The following HECTD4 variants were observed in gnomAD, a reference collection of about 807,000 sequenced individuals.
HECTD4 encodes probable E3 ubiquitin-protein ligase HECTD4.
Under a neutral mutation model 471.5 loss-of-function variants are expected in HECTD4, and 114 were observed. That is an observed-to-expected ratio of 0.24 (90% CI 0.21 to 0.28). The LOEUF (loss-of-function observed/expected upper bound fraction) is 0.28, where lower values mean the gene tolerates loss of function less well. Ranked by LOEUF, HECTD4 falls within the 10% of genes least tolerant of loss-of-function variation. The pLI is 1.00. For missense variants in HECTD4, 3,866 were observed against 5,651.5 expected, an observed-to-expected ratio of 0.68 and a Z score of 10.13; for synonymous variants, 2,012 against 2,256.0, an observed-to-expected ratio of 0.89 and a Z score of 3.07.
At chr12:112,293,210 A>G (rs1453066566) in intron 7 of HECTD4, among the ~76,000 whole-genome samples, 1 of 151,600 alleles carries the variant, frequency 6.6e-6, no homozygotes, top group Non-Finnish European at 1.5e-5. Flanking sequence ...TACTAAAAAT[A>G]CAAAAATTAG....
rs1192240145 is a variant in HECTD4 at position 112,308,864 on chromosome 12, C to A, written c.1053G>T (p.Glu351Asp). Residue 351 changes from glutamate to aspartate, a missense_variant, in exon 6 of 76, where the codon GAG (glutamate) becomes GAT (aspartate). Glu to Asp is a conservative substitution (Grantham distance 45). This residue lies in a region of HECTD4 where 440 missense variants were observed against 636.0 expected (regional missense o/e 0.69). Coordinates refer to ENST00000682272, the MANE Select transcript of HECTD4 (RefSeq NM_001388303.1). Reference protein sequence around the residue: ...LRGFVYCRNEELEPGWVAFGS... With the variant: ...LRGFVYCRNEDLEPGWVAFGS... ...CAAAAGCCACCCATCCTGGTTCCAACTCCTCGTTCCGGCAGTACACAAAAC... is the reference window on the plus strand; with the variant it reads ...CAAAAGCCACCCATCCTGGTTCCAAATCCTCGTTCCGGCAGTACACAAAAC... 7.8e-6 allele frequency: 12 copies of A among 1,535,946 alleles called. No individual in the cohort carries two copies. The highest frequency in any genetic ancestry group is 9.6e-6 in the Non-Finnish European group (11 of 1,146,884).
intron 43 of HECTD4, among the ~76,000 whole-genome samples, chr12:112,227,807 A>C (rs1210645482): frequency 6.6e-6 from 1 of 152,124 alleles, no homozygotes; most frequent in Non-Finnish European, 1.5e-5. Flanking sequence ...AACAAAGCAA[A>C]TCAGTGGAGC....
intron 55 of HECTD4, among the ~76,000 whole-genome samples, chr12:112,196,531 G>T (rs2135527281): frequency 6.6e-6 from 1 of 152,254 alleles, no homozygotes; most frequent in East Asian, 1.9e-4. Context: ...GAACCCCACG[G>T]TTCTCCCCTT....
intron 1 of HECTD4, among the ~76,000 whole-genome samples, chr12:112,338,619 CA>C (rs1160996301): frequency 6.6e-6 from 1 of 150,982 alleles, no homozygotes; most frequent in East Asian, 1.9e-4. Context: ...GACTCTATCT[CA>C]AAAAAAGAAA....
Position 112,248,110 on chromosome 12 carries a change from A to G in HECTD4, c.4205T>C (p.Leu1402Pro). Residue 1402 changes from leucine (L) to proline (P), a missense_variant, in exon 27 of 76, where the codon CTG (leucine) becomes CCG (proline). By Grantham distance (98) the Leu-to-Pro change is moderately conservative (BLOSUM62 -3). Transcript: ENST00000682272. ...ATAAAAGAAAGGCATGTTGTTCTCCAGTTTCCCCTGCATGGCATCATCAAC... is the reference window on the plus strand; with the variant it reads ...ATAAAAGAAAGGCATGTTGTTCTCCGGTTTCCCCTGCATGGCATCATCAAC... ...SEVDDAMQGK[L>P]ENNMPFFYDY... The G allele has an allele frequency of 6.2e-7, 1 of 1,613,668 alleles. No homozygotes were observed. Among genetic ancestry groups the G allele is most frequent in the Non-Finnish European group, 8.5e-7 (1 of 1,179,790 alleles).
In HECTD4 at chr12:112,235,914, T is replaced by A. The variant is rs911473908; in HGVS notation, c.5445-130A>T. Reference sequence around the variant, plus strand: ...ACGAGGAATCATGAATGTGGCACTATGCTTCTGTGAAGAATTAAGAATTTT... The same window carrying A: ...ACGAGGAATCATGAATGTGGCACTAAGCTTCTGTGAAGAATTAAGAATTTT... On this transcript the variant is annotated intron_variant, in intron 35 of 75. Transcript: ENST00000682272. This position sits in a 1 kb window ranked among gnomAD's most constrained non-coding sequence, Gnocchi z 5.0. 4 of 781,366 alleles carry A rather than the reference T, an allele frequency of 5.1e-6. No individual in the cohort carries two copies. Among genetic ancestry groups the A allele is most frequent in the Non-Finnish European group, 8.0e-6 (4 of 501,894 alleles). The allele number at this position is 781,366 out of a possible 1,614,324, so 48.4% of individuals were successfully genotyped here.
intron 40 of HECTD4, 96 bp downstream of exon 40, chr12:112,230,591 A>T (rs2045392121): frequency 7.0e-7 from 1 of 1,431,430 alleles, no homozygotes; most frequent in South Asian, 1.5e-5. Context: ...GAATTTGGAA[A>T]ATTTCTCTTT....
In HECTD4 at chr12:112,228,359, A is replaced by G. The variant is rs1228662303; in HGVS notation, c.6685-101T>C. 1 of 1,250,024 alleles carries G rather than the reference A, an allele frequency of 8.0e-7. No individual in the cohort carries two copies. Among genetic ancestry groups the G allele is most frequent in the African/African-American group, 1.6e-5 (1 of 63,622 alleles). The allele number at this position is 1,250,024 out of a possible 1,614,324, so 77.4% of individuals were successfully genotyped here. A position where few individuals can be genotyped will look rare whatever the true frequency, so the allele number is the denominator to read the frequency against. ...ATCTGGAGTTAATTCTTAAATTTTC[A>G]GTTAAAAAAATAAAATCACCATACA... On this transcript the variant is annotated intron_variant, in intron 42 of 75. Transcript: ENST00000682272. This position sits in a 1 kb window ranked among gnomAD's most constrained non-coding sequence, Gnocchi z 4.9.
At chr12:112,286,708 A>G (rs2034762428) in intron 7 of HECTD4, among the ~76,000 whole-genome samples, 2 of 152,144 alleles carry the variant, frequency 1.3e-5, no homozygotes, top group African/African-American at 4.8e-5. Flanking sequence ...CCCCACCAAA[A>G]AAAAAGGTAA....
chr12:112,163,554 G>A lies in HECTD4; in HGVS notation c.12885C>T (p.Leu4295=), dbSNP rs1252521359. 2.0e-5 allele frequency: 30 copies of A among 1,472,538 alleles called. No homozygotes were observed. In the East Asian group the frequency reaches 5.8e-4, roughly 28 times the overall value. The allele number at this position is 1,472,538 out of a possible 1,614,324, so 91.2% of individuals were successfully genotyped here. The change falls in exon 74 of 76, where the codon CTC becomes CTT. Residue 4295 remains leucine, a synonymous_variant. Coordinates refer to ENST00000682272, the MANE Select transcript of HECTD4 (RefSeq NM_001388303.1). The surrounding 1 kb of genome is among the most constrained non-coding windows in gnomAD (Gnocchi z 8.2). ...LRTCGLPYIN[L]EFLKAHTMYQ... Reference sequence around the variant, plus strand: ...CTGGGATGTCTACCTTGAGGAACTCGAGGTTGATGTAGGGGAGGCCGCAGG... The same window carrying A: ...CTGGGATGTCTACCTTGAGGAACTCAAGGTTGATGTAGGGGAGGCCGCAGG...
intron 1 of HECTD4, among the ~76,000 whole-genome samples, chr12:112,375,895 C>T (rs1009111993): frequency 2.0e-5 from 3 of 150,408 alleles, no homozygotes; most frequent in African/African-American, 7.3e-5. Flanking sequence ...ATGGCGAAAC[C>T]GCATCTCTAC....
chr12:112,177,434 C>G (rs2031494470), intron 64 of HECTD4, among the ~76,000 whole-genome samples: 2 of 142,540 alleles, frequency 1.4e-5, no homozygotes, highest in Admixed American at 7.3e-5. Context: ...GGCTGGAGTG[C>G]AGTGGCGTGA....
At chr12:112,207,739 A>G (rs1210240108) in intron 52 of HECTD4, 135 bp downstream of exon 52, 1 of 954,964 alleles carries the variant, frequency 1.0e-6, no homozygotes, top group African/African-American at 1.6e-5. Flanking sequence ...AGAGTTCACT[A>G]AAGGTAAGGT....
chr12:112,308,447 C>CA (rs886492353), intron 6 of HECTD4, among the ~76,000 whole-genome samples: 2 of 119,202 alleles, frequency 1.7e-5, no homozygotes, highest in African/African-American at 3.1e-5. Context: ...AAAAAAAAAA[C>CA]AAAAACAAAA....
intron 32 of HECTD4, among the ~76,000 whole-genome samples, chr12:112,241,937 T>C (rs2033649959): frequency 6.6e-6 from 1 of 152,202 alleles, no homozygotes; most frequent in South Asian, 2.1e-4. Flanking sequence ...TCTCTGCCTG[T>C]TGGCCAGAAT....
chr12:112,261,871 T>C (rs1445880541), intron 17 of HECTD4: 3 of 153,232 alleles, frequency 2.0e-5, no homozygotes, highest in East Asian at 1.9e-4. Flanking sequence ...AGGCGGTGAA[T>C]AAAATGAGAC....
chr12:112,287,606 T>C (rs1245123613), intron 7 of HECTD4, among the ~76,000 whole-genome samples: 5 of 152,202 alleles, frequency 3.3e-5, no homozygotes, highest in South Asian at 2.1e-4. Context: ...GGATATTTTT[T>C]CAAAAGAGGC....
At chr12:112,329,993 C>T (rs2035815752) in intron 1 of HECTD4, among the ~76,000 whole-genome samples, 1 of 151,784 alleles carries the variant, frequency 6.6e-6, no homozygotes, top group Non-Finnish European at 1.5e-5. Flanking sequence ...ATTTGGAGGA[C>T]TAGCCGGGCG....
chr12:112,212,717 C>A (rs1459836065), intron 48 of HECTD4, 67 bp from the exon 49 acceptor site: 4 of 1,376,316 alleles, frequency 2.9e-6, no homozygotes, highest in Non-Finnish European at 3.9e-6. Context: ...AAATTTGCAA[C>A]CGGAGTGTCA....
Sources: allele counts gnomAD v4.1 joint callset (sites outside exome capture counted in the v4.1 genomes callset), GRCh38; gene constraint gnomAD v4.1.1; regional missense constraint gnomAD v4.1.1; non-coding constraint Gnocchi (gnomAD v3.1); transcripts MANE v1.5; gene names NCBI Gene and HGNC (gene_info 2026-07-23, HGNC 2026-07-21).